Variants in ARL4A observed in about 807,000 individuals in gnomAD.
ARL4A encodes the protein ADP-ribosylation factor-like protein 4A.
Under a neutral mutation model 13.9 loss-of-function variants are expected in ARL4A, and 5 were observed. That is an observed-to-expected ratio of 0.36 (90% CI 0.19 to 0.75). The LOEUF is 0.75. Ranked by LOEUF, ARL4A falls within the 30% of genes least tolerant of loss-of-function variation. ARL4A has a pLI of 0.53. For missense variants in ARL4A, 147 were observed against 225.8 expected (o/e 0.65, Z 2.24); for synonymous variants, 77 against 84.4 (o/e 0.91, Z 0.48).
At position 12,689,080 on chromosome 7, in the gene ARL4A, A is replaced by G. The variant is rs1435563953; in HGVS notation, c.*223A>G. 6.4e-6 allele frequency: 3 copies of G among 470,914 alleles called. No homozygotes were observed. The highest frequency in any genetic ancestry group is 3.9e-5 in the African/African-American group (2 of 50,802). 29.2% of individuals were successfully genotyped at this position (470,914 alleles called of 1,614,324 possible). A position where few individuals can be genotyped will look rare whatever the true frequency, so the allele number is the denominator to read the frequency against. ...CTCCCTACCCCACAAATCTTTTGGT[A>G]CTACCATTTGGGGAAGCCAAGCAAG... On this transcript the variant is annotated 3_prime_UTR_variant, in exon 2 of 2. Coordinates refer to ENST00000651779, the MANE Select transcript of ARL4A (RefSeq NM_005738.5).
rs775625279 is a variant in ARL4A at position 12,688,569 on chromosome 7, C to T, written c.315C>T (p.Val105=). 7 of 1,611,948 alleles carry T rather than the reference C, an allele frequency of 4.3e-6. No homozygotes were observed. The highest frequency in any genetic ancestry group is 5.9e-6 in the Non-Finnish European group (7 of 1,179,814). The change falls in exon 2 of 2, where the codon GTC becomes GTT. Residue 105 remains valine, a synonymous_variant. Transcript: ENST00000651779. This position sits in a 1 kb window ranked among gnomAD's most constrained non-coding sequence, Gnocchi z 5.2. ...GIVFVVDSVD[V]ERMEEAKTEL... ...TATTTGTTGTGGACTCTGTTGATGT[C>T]GAAAGGATGGAAGAAGCCAAAACTG...
At chr7:12,686,949 C>T (rs768343962), upstream of ARL4A, 2 of 152,022 alleles carry the variant, frequency 1.3e-5, no homozygotes, top group Admixed American at 6.5e-5. Context: ...CTGCCATCGC[C>T]CACGCCTCCC....
Position 12,690,142 on chromosome 7 carries a change from CT to C in ARL4A, c.*1288del, listed in dbSNP as rs1174924277. On this transcript the variant is annotated 3_prime_UTR_variant, in exon 2 of 2. Coordinates refer to ENST00000651779, the MANE Select transcript of ARL4A (RefSeq NM_005738.5). ...AAAAAGCTCTATAAGGAGGAAAGGC[CT>C]TTATCTAATTCTTATCTACAGACAC... 6.0e-6 allele frequency: 1 copy of C among 166,858 alleles called. No homozygotes were observed. Among genetic ancestry groups the C allele is most frequent in the African/African-American group, 2.4e-5 (1 of 41,362 alleles). The allele number at this position is 166,858 out of a possible 1,614,324, so 10.3% of individuals were successfully genotyped here.
rs1238367874 is a variant in ARL4A, at chr7:12,690,293, T to C, written c.*1436T>C. ...GGATTTGTTTTGGCTTTGGGTTTTG[T>C]TTTTTTGTTTTTTTTTTTTTTCAGT... is the stretch of plus-strand genomic sequence containing the variant. On this transcript the variant is annotated 3_prime_UTR_variant, in exon 2 of 2. Transcript: ENST00000651779. 1 of 140,822 alleles carries C rather than the reference T, an allele frequency of 7.1e-6. No individual in the cohort carries two copies. Among genetic ancestry groups the C allele is most frequent in the Non-Finnish European group, 1.8e-5 (1 of 54,214 alleles). The allele number at this position is 140,822 out of a possible 1,614,324, so 8.7% of individuals were successfully genotyped here.
rs1784592927 is a variant in ARL4A, at chr7:12,690,036, T to A, written c.*1179T>A. 1 of 167,018 alleles carries A rather than the reference T, an allele frequency of 6.0e-6. No homozygotes were observed. The highest frequency in any genetic ancestry group is 2.4e-5 in the African/African-American group (1 of 41,444). The allele number at this position is 167,018 out of a possible 1,614,324, so 10.3% of individuals were successfully genotyped here. A position where few individuals can be genotyped will look rare whatever the true frequency, so the allele number is the denominator to read the frequency against. On this transcript the variant is annotated 3_prime_UTR_variant, in exon 2 of 2. Transcript: ENST00000651779. Reference sequence around the variant, plus strand: ...GAAGAAATGGTAACAGTATGGCAGATAAGAATTACAATTATAGAAAATGAG... The same window carrying A: ...GAAGAAATGGTAACAGTATGGCAGAAAAGAATTACAATTATAGAAAATGAG...
rs535694046 is a variant in ARL4A at position 12,689,902 on chromosome 7, C to A, written c.*1045C>A. 6.0e-6 allele frequency: 1 copy of A among 166,860 alleles called. No homozygotes were observed. Among genetic ancestry groups the A allele is most frequent in the Non-Finnish European group, 1.5e-5 (1 of 68,090 alleles). The allele number at this position is 166,860 out of a possible 1,614,324, so 10.3% of individuals were successfully genotyped here. A position where few individuals can be genotyped will look rare whatever the true frequency, so the allele number is the denominator to read the frequency against. On this transcript the variant is annotated 3_prime_UTR_variant, in exon 2 of 2. Coordinates refer to ENST00000651779, the MANE Select transcript of ARL4A (RefSeq NM_005738.5). Reference sequence around the variant, plus strand: ...AAAAGCTTTATAAATATACCTGATGCGCTGTAGAATGAAAATGTAAAAGAT... The same window carrying A: ...AAAAGCTTTATAAATATACCTGATGAGCTGTAGAATGAAAATGTAAAAGAT...
Position 12,688,736 on chromosome 7 carries a change from C to G in ARL4A, c.482C>G (p.Pro161Arg). 6.2e-7 allele frequency: 1 copy of G among 1,613,958 alleles called. No individual in the cohort carries two copies. Among genetic ancestry groups the G allele is most frequent in the Non-Finnish European group, 8.5e-7 (1 of 1,179,858 alleles). Reference protein sequence around the residue: ...LAMGELSSSTPWHLQPTCAII... With the variant: ...LAMGELSSSTRWHLQPTCAII... ...ATGGGTGAACTGAGCTCATCAACTCCTTGGCATTTGCAGCCTACCTGTGCA... is the reference window on the plus strand; with the variant it reads ...ATGGGTGAACTGAGCTCATCAACTCGTTGGCATTTGCAGCCTACCTGTGCA... Residue 161 changes from proline to arginine, a missense_variant, in exon 2 of 2, where the codon CCT (proline) becomes CGT (arginine). Transcript: ENST00000651779. The surrounding 1 kb of genome is among the most constrained non-coding windows in gnomAD (Gnocchi z 5.2).
rs1357903207 is a variant in ARL4A at position 12,689,030 on chromosome 7, G to A, written c.*173G>A. 1 of 661,432 alleles carries A rather than the reference G, an allele frequency of 1.5e-6. No individual in the cohort carries two copies. The highest frequency in any genetic ancestry group is 1.8e-5 in the African/African-American group (1 of 54,626). The allele number at this position is 661,432 out of a possible 1,614,324, so 41.0% of individuals were successfully genotyped here. A position where few individuals can be genotyped will look rare whatever the true frequency, so the allele number is the denominator to read the frequency against. Reference sequence around the variant, plus strand: ...GTTGCCTTGTGGAAGATGAGTAAATGCAGTGCTTCTTAAAGTGGTCTCTTC... The same window carrying A: ...GTTGCCTTGTGGAAGATGAGTAAATACAGTGCTTCTTAAAGTGGTCTCTTC... On this transcript the variant is annotated 3_prime_UTR_variant, in exon 2 of 2. Coordinates refer to ENST00000651779, the MANE Select transcript of ARL4A (RefSeq NM_005738.5).
Position 12,688,161 on chromosome 7 carries a change from C to T in ARL4A, c.-89-5C>T. 1 of 1,476,564 alleles carries T rather than the reference C, an allele frequency of 6.8e-7. No homozygotes were observed. The highest frequency in any genetic ancestry group is 9.1e-7 in the Non-Finnish European group (1 of 1,104,352). 91.5% of individuals were successfully genotyped at this position (1,476,564 alleles called of 1,614,324 possible). ...GAATAACTTATTCCTTCTTCCGTCTCCCAGCAGTCTTATAGCTGGATCAGC... is the reference window on the plus strand; with the variant it reads ...GAATAACTTATTCCTTCTTCCGTCTTCCAGCAGTCTTATAGCTGGATCAGC... On this transcript the variant is annotated splice_region_variant and splice_polypyrimidine_tract_variant and intron_variant, in intron 1 of 1. Coordinates refer to ENST00000651779, the MANE Select transcript of ARL4A (RefSeq NM_005738.5). This position sits in a 1 kb window ranked among gnomAD's most constrained non-coding sequence, Gnocchi z 5.2.
rs565882495 is a variant in ARL4A, at chr7:12,689,613, T to G, written c.*756T>G. The G allele has an allele frequency of 1.2e-5, 2 of 166,196 alleles. No individual in the cohort carries two copies. Among genetic ancestry groups the G allele is most frequent in the African/African-American group, 4.8e-5 (2 of 41,450 alleles). 10.3% of individuals were successfully genotyped at this position (166,196 alleles called of 1,614,324 possible). On this transcript the variant is annotated 3_prime_UTR_variant, in exon 2 of 2. Transcript: ENST00000651779. ...AACTTTTTTGGGGATTTAGGGCTATTATAGGAATAGTTTGTTGTCAGAAGC... is the reference window on the plus strand; with the variant it reads ...AACTTTTTTGGGGATTTAGGGCTATGATAGGAATAGTTTGTTGTCAGAAGC...
At chr7:12,687,179 G>C (rs1436987876), upstream of ARL4A, 1 of 152,298 alleles carries the variant, frequency 6.6e-6, no homozygotes, top group African/African-American at 2.4e-5. This position sits in a 1 kb window ranked among gnomAD's most constrained non-coding sequence, Gnocchi z 5.6. Context: ...CGCCAGGTGG[G>C]ATCTCTAGCG....
rs1784609095 is a variant in ARL4A, at chr7:12,690,749, A to T, written c.*1892A>T. ...AATCTGTGTATCAATTAGATTTACCAGTTTGCCTGTACTTTCTGTCTACCT... is the reference window on the plus strand; with the variant it reads ...AATCTGTGTATCAATTAGATTTACCTGTTTGCCTGTACTTTCTGTCTACCT... On this transcript the variant is annotated 3_prime_UTR_variant, in exon 2 of 2. Transcript: ENST00000651779. The T allele has an allele frequency of 6.0e-6, 1 of 166,232 alleles. No homozygotes were observed. Among genetic ancestry groups the T allele is most frequent in the South Asian group, 2.1e-4 (1 of 4,824 alleles). 10.3% of individuals were successfully genotyped at this position (166,232 alleles called of 1,614,324 possible).
chr7:12,689,364 T>C lies in ARL4A; in HGVS notation c.*507T>C, dbSNP rs911043726. ...AGTAAGGGACAAGGAGTAAGTATTT[T>C]CTTTTTTAAGTTTCTGCCAAATGAT... On this transcript the variant is annotated 3_prime_UTR_variant, in exon 2 of 2. Coordinates refer to ENST00000651779, the MANE Select transcript of ARL4A (RefSeq NM_005738.5). 1 of 167,632 alleles carries C rather than the reference T, an allele frequency of 6.0e-6. No individual in the cohort carries two copies. The highest frequency in any genetic ancestry group is 1.5e-5 in the Non-Finnish European group (1 of 68,544). 10.4% of individuals were successfully genotyped at this position (167,632 alleles called of 1,614,324 possible).
Position 12,690,442 on chromosome 7 carries a change from A to G in ARL4A, c.*1585A>G, listed in dbSNP as rs866465142. The G allele has an allele frequency of 6.0e-6, 1 of 166,870 alleles. No individual in the cohort carries two copies. Among genetic ancestry groups the G allele is most frequent in the African/African-American group, 2.4e-5 (1 of 41,442 alleles). The allele number at this position is 166,870 out of a possible 1,614,324, so 10.3% of individuals were successfully genotyped here. On this transcript the variant is annotated 3_prime_UTR_variant, in exon 2 of 2. Transcript: ENST00000651779. ...ATGGTCACTTAGAATGTTTATAGAA[A>G]TGTGGATAATAACTACCAATAAACT... is the stretch of plus-strand genomic sequence containing the variant.
rs764083499 is a variant in ARL4A, at chr7:12,688,848, G to T, written c.594G>T (p.Lys198Asn). 10 of 1,606,470 alleles carry T rather than the reference G, an allele frequency of 6.2e-6. No homozygotes were observed. The highest frequency in any genetic ancestry group is 8.5e-6 in the Non-Finnish European group (10 of 1,177,344). The change falls in exon 2 of 2, where the codon AAG becomes AAT. Residue 198 changes from lysine (K) to asparagine (N), a missense_variant. Physicochemically the swap from Lys to Asn is moderately conservative, Grantham distance 94. Transcript: ENST00000651779. This position sits in a 1 kb window ranked among gnomAD's most constrained non-coding sequence, Gnocchi z 5.2. ...GAAAAATGTTGCGGCAACAGAAAAA[G>T]AAAAGATGAATATCAATACCTATTA... The part of the protein sequence containing the change: ...KRRKMLRQQK[K>N]KR
Position 12,689,205 on chromosome 7 carries a change from TC to T in ARL4A, c.*349del, listed in dbSNP as rs1247466705. ...GCCTAGTGTTTTGTGCTTACATCTT[TC>T]GGGGGGAAGCCTTTGCAAGAAAATT... is the stretch of plus-strand genomic sequence containing the variant. On this transcript the variant is annotated 3_prime_UTR_variant, in exon 2 of 2. Coordinates refer to ENST00000651779, the MANE Select transcript of ARL4A (RefSeq NM_005738.5). The T allele has an allele frequency of 4.6e-6, 1 of 215,354 alleles. No homozygotes were observed. Among genetic ancestry groups the T allele is most frequent in the African/African-American group, 2.4e-5 (1 of 42,470 alleles). 13.3% of individuals were successfully genotyped at this position (215,354 alleles called of 1,614,324 possible).
Position 12,689,584 on chromosome 7 carries a change from A to G in ARL4A, c.*727A>G, listed in dbSNP as rs1784585221. On this transcript the variant is annotated 3_prime_UTR_variant, in exon 2 of 2. Coordinates refer to ENST00000651779, the MANE Select transcript of ARL4A (RefSeq NM_005738.5). ...CTATGCATCGTTCTACACAGGTTTAAAACAACTTTTTTGGGGATTTAGGGC... is the reference window on the plus strand; with the variant it reads ...CTATGCATCGTTCTACACAGGTTTAGAACAACTTTTTTGGGGATTTAGGGC... 1 of 166,208 alleles carries G rather than the reference A, an allele frequency of 6.0e-6. No individual in the cohort carries two copies. The highest frequency in any genetic ancestry group is 1.5e-5 in the Non-Finnish European group (1 of 68,110). 10.3% of individuals were successfully genotyped at this position (166,208 alleles called of 1,614,324 possible). A position where few individuals can be genotyped will look rare whatever the true frequency, so the allele number is the denominator to read the frequency against.
At chr7:12,687,622 C>T (rs73678525), upstream of ARL4A, 5,502 of 152,884 alleles carry the variant, frequency 0.036, 334 homozygotes, top group African/African-American at 0.13. The surrounding 1 kb of genome is among the most constrained non-coding windows in gnomAD (Gnocchi z 5.6). Flanking sequence ...GTTTCTCGTG[C>T]GGCAACTGCC....
rs1784553150 is a variant in ARL4A, at chr7:12,688,021, T to C, written c.-89-145T>C. On this transcript the variant is annotated intron_variant, in intron 1 of 1. Transcript: ENST00000651779. This position sits in a 1 kb window ranked among gnomAD's most constrained non-coding sequence, Gnocchi z 5.2. Reference sequence around the variant, plus strand: ...CGTTTGTCTTGGACTGTGTGTGTTTTCATGTACGTTTCATATCTCGTCTGG... The same window carrying C: ...CGTTTGTCTTGGACTGTGTGTGTTTCCATGTACGTTTCATATCTCGTCTGG... 5 of 491,506 alleles carry C rather than the reference T, an allele frequency of 1.0e-5. No homozygotes were observed. The Admixed American group carries it at 1.5e-4, about 15-fold the overall frequency. The allele number at this position is 491,506 out of a possible 1,614,324, so 30.4% of individuals were successfully genotyped here.
Sources: allele counts gnomAD v4.1 joint callset, GRCh38; gene constraint gnomAD v4.1.1; non-coding constraint Gnocchi (gnomAD v3.1); transcripts MANE v1.5; gene names NCBI Gene and HGNC (gene_info 2026-07-23, HGNC 2026-07-21).